ZCCHC14: variants seen among roughly 807,000 people sequenced by gnomAD.
ZCCHC14 encodes the protein zinc finger CCHC-type containing 14, also known as zinc finger CCHC domain-containing protein 14.
ZCCHC14 carries 16 observed loss-of-function variants against 85.0 expected under a neutral mutation model. That is an observed-to-expected ratio of 0.19 (90% confidence interval 0.13 to 0.29). The LOEUF is 0.29. ZCCHC14 is among the 10% of genes least tolerant of loss of function. ZCCHC14 has a pLI of 1.00. For missense variants in ZCCHC14, 1,303 were observed against 1,443.5 expected (o/e 0.90, Z 1.58); for synonymous variants, 775 against 630.7 (o/e 1.23, Z -3.43).
At chr16:87,467,302 A>C in intron 1 of ZCCHC14, 3 of 1,580,764 alleles carry the variant, frequency 1.9e-6, no homozygotes, top group Non-Finnish European at 2.6e-6. Context: ...TCAAGCCTCA[A>C]TAATGTAACA....
chr16:87,417,246 T>C (rs1261209172), intron 8 of ZCCHC14, among the ~76,000 whole-genome samples: 1 of 152,172 alleles, frequency 6.6e-6, no homozygotes, highest in Non-Finnish European at 1.5e-5. Context: ...TTGAAGCCCC[T>C]AGACAAGCTG....
At chr16:87,477,874 G>T (rs111458085) in intron 1 of ZCCHC14, among the ~76,000 whole-genome samples, 1 of 144,442 alleles carries the variant, frequency 6.9e-6, no homozygotes, top group Non-Finnish European at 1.5e-5. Context: ...CACACCTGGG[G>T]AACACCGACA....
At position 87,492,815 on chromosome 16, in the gene ZCCHC14, G is replaced by T. The variant is rs952564874; in HGVS notation, c.-577C>A. Reference sequence around the variant, plus strand: ...CCGCGGCCGCGAAACGGACGCTGGAGGGGGAGGGACGCGCGGCGGGAGGCG... The same window carrying T: ...CCGCGGCCGCGAAACGGACGCTGGATGGGGAGGGACGCGCGGCGGGAGGCG... On this transcript the variant is annotated 5_prime_UTR_variant, in exon 1 of 13. Transcript: ENST00000671377. This position sits in a 1 kb window ranked among gnomAD's most constrained non-coding sequence, Gnocchi z 6.7. Among the ~76,000 whole-genome samples, 2 of 147,614 alleles carry T rather than the reference G, an allele frequency of 1.4e-5. No homozygotes were observed. The highest frequency in any genetic ancestry group is 6.7e-5 in the Admixed American group (1 of 14,894).
chr16:87,460,035 T>G lies in ZCCHC14; in HGVS notation c.667A>C (p.Lys223Gln), dbSNP rs1383326011. Residue 223 changes from lysine to glutamine, a missense_variant, in exon 2 of 13, where the codon AAG becomes CAG. By Grantham distance (53) the Lys-to-Gln change is moderately conservative. Around this residue, in one of 7 missense-constraint regions of ZCCHC14, gnomAD observed 389 missense variants for 397.8 expected, o/e 0.98. Transcript: ENST00000671377. ...TTGCTGTGTTTTCCTAAGGGCCTCTTGGGCAGCGACTCCTCCGTGGAATGT... is the reference window on the plus strand; with the variant it reads ...TTGCTGTGTTTTCCTAAGGGCCTCTGGGGCAGCGACTCCTCCGTGGAATGT... Reference protein sequence around the residue: ...SAHSTEESLPKRPLGKHSKVS... With the variant: ...SAHSTEESLPQRPLGKHSKVS... 6 of 1,613,996 alleles carry G rather than the reference T, an allele frequency of 3.7e-6. No homozygotes were observed. Among genetic ancestry groups the G allele is most frequent in the African/African-American group, 1.3e-5 (1 of 74,910 alleles).
intron 1 of ZCCHC14, among the ~76,000 whole-genome samples, chr16:87,465,720 C>T (rs76803245): frequency 6.6e-6 from 1 of 152,322 alleles, no homozygotes; most frequent in East Asian, 1.9e-4. Flanking sequence ...GCCTGAGAAT[C>T]TTGCATTTCT....
intron 2 of ZCCHC14, among the ~76,000 whole-genome samples, chr16:87,445,645 G>T (rs1356381099): frequency 6.6e-6 from 1 of 152,096 alleles, no homozygotes; most frequent in Non-Finnish European, 1.5e-5. Context: ...TTACCAGATA[G>T]TCCCTCAAGC....
In ZCCHC14 at chr16:87,491,209, T is replaced by A. The variant is rs1251966740; in HGVS notation, c.570+460A>T. The stretch of plus-strand genomic sequence containing the variant: ...TGACCGCGGACGTCTCCCGCACCGC[T>A]CCCGCGGATCCTCGGACCCAGGGCC... On this transcript the variant is annotated intron_variant, in intron 1 of 12. Transcript: ENST00000671377. The surrounding 1 kb of genome is among the most constrained non-coding windows in gnomAD (Gnocchi z 5.9). Among the ~76,000 whole-genome samples, 1 of 152,182 alleles carries A rather than the reference T, an allele frequency of 6.6e-6. No homozygotes were observed. Among genetic ancestry groups the A allele is most frequent in the East Asian group, 1.9e-4 (1 of 5,190 alleles).
At chr16:87,426,285 C>T (rs1909367114) in intron 3 of ZCCHC14, among the ~76,000 whole-genome samples, 1 of 152,222 alleles carries the variant, frequency 6.6e-6, no homozygotes, top group South Asian at 2.1e-4. Flanking sequence ...TCATACCTGC[C>T]TGACCCGTAC....
At chr16:87,421,903 C>G (rs1362769617) in intron 4 of ZCCHC14, among the ~76,000 whole-genome samples, 4 of 151,376 alleles carry the variant, frequency 2.6e-5, no homozygotes, top group Non-Finnish European at 5.9e-5. Flanking sequence ...ACATGTCTGA[C>G]ATTCAGTCAA....
intron 1 of ZCCHC14, among the ~76,000 whole-genome samples, chr16:87,461,107 G>T (rs1376411788): frequency 6.6e-6 from 1 of 152,182 alleles, no homozygotes; most frequent in African/African-American, 2.4e-5. Flanking sequence ...GGTGACGGCC[G>T]CCCCCAAGCT....
At position 87,492,533 on chromosome 16, in the gene ZCCHC14, G is replaced by C. The variant is rs939756740; in HGVS notation, c.-295C>G. On this transcript the variant is annotated 5_prime_UTR_variant, in exon 1 of 13. Coordinates refer to ENST00000671377, the MANE Select transcript of ZCCHC14 (RefSeq NM_015144.3). The surrounding 1 kb of genome is among the most constrained non-coding windows in gnomAD (Gnocchi z 6.7). The stretch of plus-strand genomic sequence containing the variant: ...AGCGGCCTCGGGCCCCCCGCTCACG[G>C]GGAGGCGCCTTCCCCGCGCCCGTGC... 1.2e-4 allele frequency: 17 copies of C among 145,668 alleles called. No homozygotes were observed. The highest frequency in any genetic ancestry group is 4.2e-4 in the African/African-American group (17 of 40,610). The allele number at this position is 145,668 out of a possible 1,614,324, so 9.0% of individuals were successfully genotyped here.
chr16:87,432,986 A>AG, intron 3 of ZCCHC14, 142 bp downstream of exon 3: 1 of 462,632 alleles, frequency 2.2e-6, no homozygotes, highest in Non-Finnish European at 3.2e-6. Flanking sequence ...GCCCACCCCG[A>AG]GCTCAGGGCC....
chr16:87,428,873 T>C (rs1909507245), intron 3 of ZCCHC14, among the ~76,000 whole-genome samples: 1 of 145,232 alleles, frequency 6.9e-6, no homozygotes. Flanking sequence ...CAGTTGTCCA[T>C]TCTGAGACCC....
Position 87,406,300 on chromosome 16 carries a change from T to C in ZCCHC14, c.*3980A>G, listed in dbSNP as rs1908198874. The C allele has an allele frequency of 6.6e-6, 1 of 152,530 alleles. No individual in the cohort carries two copies. The highest frequency in any genetic ancestry group is 1.5e-5 in the Non-Finnish European group (1 of 68,020). 9.4% of individuals were successfully genotyped at this position (152,530 alleles called of 1,614,324 possible). On this transcript the variant is annotated 3_prime_UTR_variant, in exon 13 of 13. Transcript: ENST00000671377. ...ACATTAAATTTACTCATAAAAACAT[T>C]CTAAAAATGTACAATTTGTCCTTTT...
At chr16:87,476,547 G>A (rs1360519551) in intron 1 of ZCCHC14, among the ~76,000 whole-genome samples, 1 of 151,960 alleles carries the variant, frequency 6.6e-6, no homozygotes, top group Non-Finnish European at 1.5e-5. Flanking sequence ...TTAACTCCAA[G>A]CAGACTGTGT....
chr16:87,447,623 T>G (rs1280254311), intron 2 of ZCCHC14, among the ~76,000 whole-genome samples: 1 of 152,202 alleles, frequency 6.6e-6, no homozygotes, highest in Non-Finnish European at 1.5e-5. Flanking sequence ...GACATCTGGG[T>G]TGTTTCCAGT....
intron 1 of ZCCHC14, among the ~76,000 whole-genome samples, chr16:87,485,044 G>A (rs1440779114): frequency 6.6e-6 from 1 of 152,142 alleles, no homozygotes. Context: ...TTTCAAGGGC[G>A]AATGATTTTT....
At position 87,491,359 on chromosome 16, in the gene ZCCHC14, G is replaced by A. The variant is rs1016140698; in HGVS notation, c.570+310C>T. 2.0e-5 allele frequency among the ~76,000 whole-genome samples: 3 copies of A among 152,330 alleles called. No individual in the cohort carries two copies. The highest frequency in any genetic ancestry group is 3.9e-4 in the East Asian group (2 of 5,170). On this transcript the variant is annotated intron_variant, in intron 1 of 12. Transcript: ENST00000671377. The surrounding 1 kb of genome is among the most constrained non-coding windows in gnomAD (Gnocchi z 5.9). ...CTTGGGGCTTAAAGTGCAGACTTAGGGTGAGGAGTGCGGGCTTAGGATGGG... is the reference window on the plus strand; with the variant it reads ...CTTGGGGCTTAAAGTGCAGACTTAGAGTGAGGAGTGCGGGCTTAGGATGGG...
intron 2 of ZCCHC14, among the ~76,000 whole-genome samples, chr16:87,458,748 G>A (rs1159523310): frequency 6.6e-6 from 1 of 152,186 alleles, no homozygotes; most frequent in African/African-American, 2.4e-5. Context: ...AGCGAGTGCG[G>A]CTCTGGGCCT....
Sources: gnomAD v4.1 joint callset for allele counts (sites outside exome capture counted in the v4.1 genomes callset) on GRCh38, gnomAD v4.1.1 for gene constraint, gnomAD v4.1.1 regional missense constraint, Gnocchi (gnomAD v3.1) non-coding constraint, MANE v1.5 for transcripts, NCBI Gene and HGNC (gene_info 2026-07-23, HGNC 2026-07-21) for gene names.